Variants in LCN10 observed in about 807,000 individuals in gnomAD.
LCN10 encodes epididymal-specific lipocalin-10.
LCN10 carries 18 observed loss-of-function variants against 25.1 expected under a neutral mutation model. The ratio of observed to expected loss-of-function variants is 0.72; its 90% CI spans 0.50 to 1.06. The LOEUF (loss-of-function observed/expected upper bound fraction) is 1.06, where lower values mean the gene tolerates loss of function less well. Among genes scored for constraint, LCN10 ranks in the 50% least tolerant of loss-of-function variants. The pLI is 0.00. For synonymous variants in LCN10, 130 were observed against 116.7 expected (o/e 1.11, Z -0.73); for missense variants, 257 against 258.9 (o/e 0.99, Z 0.05).
chr9:136,741,267 C>T lies in LCN10; in HGVS notation c.352G>A (p.Glu118Lys), dbSNP rs370003453. 1.2e-6 allele frequency: 2 copies of T among 1,613,500 alleles called. No individual in the cohort carries two copies. Among genetic ancestry groups the T allele is most frequent in the South Asian group, 1.1e-5 (1 of 91,076 alleles). ...CCAAGCACACCTCCCTCCTGTCCTT[C>T]CCTCGGGCCCGCCGCGTATGCACAG... ...NACAYAAGPR[E>K]GQEGVKGVKA... Residue 118 changes from glutamate to lysine, a missense_variant, in exon 3 of 6, where the codon GAA becomes AAA. Transcript: ENST00000497771.
rs1329346957 is a variant in LCN10 at position 136,740,360 on chromosome 9, A to G, written c.476-312T>C. On this transcript the variant is annotated intron_variant, in intron 4 of 5. Coordinates refer to ENST00000497771, the MANE Select transcript of LCN10 (RefSeq NM_001001712.3). This position sits in a 1 kb window ranked among gnomAD's most constrained non-coding sequence, Gnocchi z 5.3. ...CGTGCCCTGCCTCGACTGAGACCCCAGGACCCCACCTCCCCTCTACCCGTT... is the reference window on the plus strand; with the variant it reads ...CGTGCCCTGCCTCGACTGAGACCCCGGGACCCCACCTCCCCTCTACCCGTT... 4.2e-6 allele frequency: 2 copies of G among 475,980 alleles called. No homozygotes were observed. Among genetic ancestry groups the G allele is most frequent in the Non-Finnish European group, 7.7e-6 (2 of 258,074 alleles). The allele number at this position is 475,980 out of a possible 1,614,324, so 29.5% of individuals were successfully genotyped here. A position where few individuals can be genotyped will look rare whatever the true frequency, so the allele number is the denominator to read the frequency against.
chr9:136,742,075 C>T, intron 1 of LCN10, 55 bp from the exon 2 acceptor site: 2 of 1,599,844 alleles, frequency 1.3e-6, no homozygotes, highest in East Asian at 2.2e-5. Context: ...GCTGTCCCCA[C>T]CCCCGAGGTT....
In LCN10 at chr9:136,740,630, T is replaced by C; in HGVS notation, c.475+206A>G. On this transcript the variant is annotated intron_variant, in intron 4 of 5. Transcript: ENST00000497771. The surrounding 1 kb of genome is among the most constrained non-coding windows in gnomAD (Gnocchi z 5.3). ...TGGCCCACCTTTCTCTGCAGCCTCT[T>C]CCTGACGTCCCCTATCCTTGCTTCA... is the stretch of plus-strand genomic sequence containing the variant. The C allele has an allele frequency of 1.8e-6, 1 of 564,374 alleles. No individual in the cohort carries two copies. The highest frequency in any genetic ancestry group is 3.2e-6 in the Non-Finnish European group (1 of 317,404). The allele number at this position is 564,374 out of a possible 1,614,324, so 35.0% of individuals were successfully genotyped here.
chr9:136,742,673 G>A (rs1175844013), intron 1 of LCN10, 114 bp downstream of exon 1: 7 of 1,326,024 alleles, frequency 5.3e-6, no homozygotes, highest in South Asian at 3.0e-5. Context: ...GGCAGCGCCC[G>A]TGCCTGGAAC....
intron 2 of LCN10, chr9:136,741,600 C>G (rs1717338571): frequency 1.6e-6 from 1 of 607,906 alleles, no homozygotes; most frequent in Non-Finnish European, 2.9e-6. Flanking sequence ...GAGAAACTCC[C>G]AACACCCACC....
intron 2 of LCN10, chr9:136,741,677 G>T: frequency 5.6e-6 from 4 of 713,656 alleles, no homozygotes; most frequent in Non-Finnish European, 6.8e-6. Context: ...CCCAAGGTCT[G>T]CAGGCAGCTT....
chr9:136,741,339 C>G lies in LCN10; in HGVS notation c.280G>C (p.Glu94Gln). The G allele has an allele frequency of 6.2e-7, 1 of 1,612,742 alleles. No individual in the cohort carries two copies. The highest frequency in any genetic ancestry group is 8.5e-7 in the Non-Finnish European group (1 of 1,179,786). Reference sequence around the variant, plus strand: ...TTCCCGTCTTTCCTCAGGATCACCTCCTGGGACTGGCACCCCTTCAACCTG... The same window carrying G: ...TTCCCGTCTTTCCTCAGGATCACCTGCTGGGACTGGCACCCCTTCAACCTG... ...FRRLKGCQSQ[E>Q]VILRKDGKKP... The change falls in exon 3 of 6, where the codon GAG (glutamate) becomes CAG (glutamine). Residue 94 changes from glutamate to glutamine, a missense_variant. Physicochemically the swap from Glu to Gln is conservative, Grantham distance 29 (BLOSUM62 2). Transcript: ENST00000497771.
At chr9:136,742,567 C>A in intron 1 of LCN10, 1 of 575,994 alleles carries the variant, frequency 1.7e-6, no homozygotes. Context: ...CCCTCCCTGA[C>A]CCCCCTGGGC....
At chr9:136,741,835 C>G (rs777319740) in intron 2 of LCN10, 46 bp downstream of exon 2, 2 of 1,559,616 alleles carry the variant, frequency 1.3e-6, no homozygotes, top group Non-Finnish European at 8.7e-7. Flanking sequence ...GCAGCTCCCT[C>G]CTCCTGGAAG....
rs1340273758 is a variant in LCN10 at position 136,740,245 on chromosome 9, T to A, written c.476-197A>T. The stretch of plus-strand genomic sequence containing the variant: ...GGCAGCCAGGCTCGGGAAGCCAGGG[T>A]CACCACGCTGTCACCTGGGGAACCC... On this transcript the variant is annotated intron_variant, in intron 4 of 5. Coordinates refer to ENST00000497771, the MANE Select transcript of LCN10 (RefSeq NM_001001712.3). This position sits in a 1 kb window ranked among gnomAD's most constrained non-coding sequence, Gnocchi z 5.3. 3.3e-6 allele frequency: 2 copies of A among 601,038 alleles called. No individual in the cohort carries two copies. The highest frequency in any genetic ancestry group is 5.1e-5 in the Admixed American group (2 of 39,414). 37.2% of individuals were successfully genotyped at this position (601,038 alleles called of 1,614,324 possible). A position where few individuals can be genotyped will look rare whatever the true frequency, so the allele number is the denominator to read the frequency against.
At chr9:136,741,398 G>A (rs752320722) in intron 2 of LCN10, 37 bp from the exon 3 acceptor site, 22 of 1,488,748 alleles carry the variant, frequency 1.5e-5, no homozygotes, top group Non-Finnish European at 2.0e-5. Flanking sequence ...GCAGACCAGG[G>A]AACCCCTCCT....
At position 136,740,583 on chromosome 9, in the gene LCN10, G is replaced by T; in HGVS notation, c.475+253C>A. 3.8e-6 allele frequency: 2 copies of T among 532,922 alleles called. No homozygotes were observed. The highest frequency in any genetic ancestry group is 5.4e-5 in the South Asian group (2 of 36,852). The allele number at this position is 532,922 out of a possible 1,614,324, so 33.0% of individuals were successfully genotyped here. On this transcript the variant is annotated intron_variant, in intron 4 of 5. Coordinates refer to ENST00000497771, the MANE Select transcript of LCN10 (RefSeq NM_001001712.3). This position sits in a 1 kb window ranked among gnomAD's most constrained non-coding sequence, Gnocchi z 5.3. ...TTGCACCTGCACCCGCCACCATCCT[G>T]GTGGCCTCCGCTCCCCCTGGATGGC...
chr9:136,741,923 A>T lies in LCN10; in HGVS notation c.215T>A (p.Val72Glu). The T allele has an allele frequency of 6.2e-7, 1 of 1,610,296 alleles. No homozygotes were observed. The highest frequency in any genetic ancestry group is 8.5e-7 in the Non-Finnish European group (1 of 1,178,664). Reference sequence around the variant, plus strand: ...CACGCGGAGCTGGCCCACTTTGTTCACCTTTACCACGGACGCCCCCAGCTT... The same window carrying T: ...CACGCGGAGCTGGCCCACTTTGTTCTCCTTTACCACGGACGCCCCCAGCTT... ...KRKLGASVVKVNKVGQLRVLL... is the reference protein window; with the variant it reads ...KRKLGASVVKENKVGQLRVLL... The change falls in exon 2 of 6, where the codon GTG becomes GAG. Residue 72 changes from valine (V) to glutamate (E), a missense_variant. Val to Glu is a moderately radical substitution (Grantham distance 121). Coordinates refer to ENST00000497771, the MANE Select transcript of LCN10 (RefSeq NM_001001712.3).
At chr9:136,741,420 G>A in intron 2 of LCN10, 59 bp from the exon 3 acceptor site, 1 of 1,354,216 alleles carries the variant, frequency 7.4e-7, no homozygotes, top group Non-Finnish European at 1.0e-6. Flanking sequence ...CCGCCTGCCA[G>A]CCACCGAGCC....
rs532156338 is a variant in LCN10, at chr9:136,739,547, C to T, written c.581G>A (p.Arg194His). The T allele has an allele frequency of 6.2e-6, 10 of 1,600,434 alleles. No homozygotes were observed. The highest frequency in any genetic ancestry group is 1.7e-4 in the Middle Eastern group (1 of 6,002). Residue 194 changes from arginine to histidine, a missense_variant, in exon 6 of 6, where the codon CGT (arginine) becomes CAT (histidine). Arg to His is a conservative substitution (Grantham distance 29, BLOSUM62 0). Coordinates refer to ENST00000497771, the MANE Select transcript of LCN10 (RefSeq NM_001001712.3). The surrounding 1 kb of genome is among the most constrained non-coding windows in gnomAD (Gnocchi z 6.1). ...CTCTCATGGCAGGATGGTGTGTGTA[C>T]GGGACGCTGTGGGAGAGGAAAACAG... Reference protein sequence around the residue: ...AAVILPKDASRTHTILP With the variant: ...AAVILPKDASHTHTILP
At chr9:136,741,814 C>T in intron 2 of LCN10, 67 bp downstream of exon 2, 1 of 1,523,330 alleles carries the variant, frequency 6.6e-7, no homozygotes. Context: ...AGACTCCTTT[C>T]CAGCCCCGAG....
rs1388922570 is a variant in LCN10, at chr9:136,739,564, G to A, written c.575-11C>T. On this transcript the variant is annotated splice_polypyrimidine_tract_variant and intron_variant, in intron 5 of 5. Coordinates refer to ENST00000497771, the MANE Select transcript of LCN10 (RefSeq NM_001001712.3). The surrounding 1 kb of genome is among the most constrained non-coding windows in gnomAD (Gnocchi z 6.1). Reference sequence around the variant, plus strand: ...TGTGTGTACGGGACGCTGTGGGAGAGGAAAACAGCCACATGTGGGCTGGCT... The same window carrying A: ...TGTGTGTACGGGACGCTGTGGGAGAAGAAAACAGCCACATGTGGGCTGGCT... 1 of 1,598,278 alleles carries A rather than the reference G, an allele frequency of 6.3e-7. No homozygotes were observed. Among genetic ancestry groups the A allele is most frequent in the Admixed American group, 1.7e-5 (1 of 57,708 alleles).
rs760292946 is a variant in LCN10 at position 136,740,807 on chromosome 9, A to G, written c.475+29T>C. On this transcript the variant is annotated intron_variant, in intron 4 of 5. Coordinates refer to ENST00000497771, the MANE Select transcript of LCN10 (RefSeq NM_001001712.3). The surrounding 1 kb of genome is among the most constrained non-coding windows in gnomAD (Gnocchi z 5.3). Reference sequence around the variant, plus strand: ...TGCCTCCCTCTGCACCCCCTCCACCATCCTCTGCCATCCGCTGTGCCTGCT... The same window carrying G: ...TGCCTCCCTCTGCACCCCCTCCACCGTCCTCTGCCATCCGCTGTGCCTGCT... 1 of 1,554,842 alleles carries G rather than the reference A, an allele frequency of 6.4e-7. No homozygotes were observed. Among genetic ancestry groups the G allele is most frequent in the African/African-American group, 1.4e-5 (1 of 70,624 alleles).
At position 136,738,625 on chromosome 9, in the gene LCN10, C is replaced by T. The variant is rs951334019; in HGVS notation, c.*900G>A. The T allele has an allele frequency of 2.0e-5, 3 of 152,266 alleles. No individual in the cohort carries two copies. The highest frequency in any genetic ancestry group is 7.2e-5 in the African/African-American group (3 of 41,428). The allele number at this position is 152,266 out of a possible 1,614,324, so 9.4% of individuals were successfully genotyped here. A position where few individuals can be genotyped will look rare whatever the true frequency, so the allele number is the denominator to read the frequency against. Reference sequence around the variant, plus strand: ...AGACCTAAGCCTTCACCGCAGCCTTCGAGGTGCCGTGGTCTGGTGGGCCCC... The same window carrying T: ...AGACCTAAGCCTTCACCGCAGCCTTTGAGGTGCCGTGGTCTGGTGGGCCCC... On this transcript the variant is annotated 3_prime_UTR_variant, in exon 6 of 6. Transcript: ENST00000497771.
Sources: allele counts gnomAD v4.1 joint callset, GRCh38; gene constraint gnomAD v4.1.1; non-coding constraint Gnocchi (gnomAD v3.1); transcripts MANE v1.5; gene names NCBI Gene and HGNC (gene_info 2026-07-23, HGNC 2026-07-21).